PLPP4: variants seen among roughly 807,000 people sequenced by gnomAD.
PLPP4 encodes the protein diacylglycerol pyrophosphate like 2.
PLPP4 carries 20 observed loss-of-function variants against 32.2 expected under a neutral mutation model. That is an observed-to-expected ratio of 0.62 (90% confidence interval 0.44 to 0.90). The LOEUF (loss-of-function observed/expected upper bound fraction) is 0.90, where lower values mean the gene tolerates loss of function less well. Among genes scored for constraint, PLPP4 ranks in the 40% least tolerant of loss-of-function variants. The pLI is 0.00. For missense variants in PLPP4, 257 were observed against 353.1 expected (o/e 0.73, Z 2.18); for synonymous variants, 127 against 133.0 (o/e 0.95, Z 0.31).
At chr10:120,515,085 T>A (rs1845882947) in intron 3 of PLPP4, among the ~76,000 whole-genome samples, 2 of 152,308 alleles carry the variant, frequency 1.3e-5, no homozygotes, top group South Asian at 4.1e-4. Context: ...ACGCTTCCTA[T>A]ATAACCAGGC....
In PLPP4 at chr10:120,532,476, C is replaced by G. The variant is rs1846785909; in HGVS notation, c.445+11381C>G. Among the ~76,000 whole-genome samples the G allele has an allele frequency of 3.3e-5, 5 of 152,200 alleles. No individual in the cohort carries two copies. The South Asian group carries it at 1.0e-3, about 32-fold the overall frequency. ...TTTGAAATAAATTTCACATATGATT[C>G]AATTCACCCATTTAAAATGGTTTAT... On this transcript the variant is annotated intron_variant, in intron 5 of 6. Coordinates refer to ENST00000398250, the MANE Select transcript of PLPP4 (RefSeq NM_001030059.3).
chr10:120,538,926 C>G (rs1847200831), intron 5 of PLPP4, among the ~76,000 whole-genome samples: 1 of 152,202 alleles, frequency 6.6e-6, no homozygotes, highest in Non-Finnish European at 1.5e-5. Flanking sequence ...CATTTATACC[C>G]AGATCATCTG....
At chr10:120,569,174 G>T (rs1461655255) in intron 5 of PLPP4, among the ~76,000 whole-genome samples, 1 of 151,960 alleles carries the variant, frequency 6.6e-6, no homozygotes, top group South Asian at 2.1e-4. Context: ...GGGAGGCGGA[G>T]GTTGTAGTGA....
intron 5 of PLPP4, among the ~76,000 whole-genome samples, chr10:120,539,312 T>G (rs1589844082): frequency 1.3e-5 from 2 of 152,260 alleles, no homozygotes; most frequent in East Asian, 3.9e-4. Flanking sequence ...GTTAGGAAAT[T>G]CTGTGGTCTC....
At chr10:120,564,592 ATGT>A (rs1350011013) in intron 5 of PLPP4, among the ~76,000 whole-genome samples, 1 of 151,904 alleles carries the variant, frequency 6.6e-6, no homozygotes, top group African/African-American at 2.4e-5. Flanking sequence ...ATTATGGCAA[ATGT>A]TGTAGTTCTA....
intron 3 of PLPP4, 121 bp downstream of exon 3, chr10:120,514,122 G>A: frequency 1.3e-6 from 1 of 792,076 alleles, no homozygotes. Context: ...AGCTGGGGAG[G>A]AACAAGATAA....
chr10:120,480,830 C>T (rs894785108), intron 1 of PLPP4, among the ~76,000 whole-genome samples: 5 of 152,236 alleles, frequency 3.3e-5, no homozygotes, highest in African/African-American at 1.2e-4. Flanking sequence ...CCTCTGCTCC[C>T]TCACCCAACC....
At chr10:120,516,462 C>G (rs1314016918) in intron 3 of PLPP4, among the ~76,000 whole-genome samples, 1 of 152,130 alleles carries the variant, frequency 6.6e-6, no homozygotes, top group Non-Finnish European at 1.5e-5. Context: ...ACAGTCAGGT[C>G]TGTATAATAG....
chr10:120,528,334 A>G (rs1240977831), intron 5 of PLPP4, among the ~76,000 whole-genome samples: 8 of 152,082 alleles, frequency 5.3e-5, no homozygotes, highest in Non-Finnish European at 5.9e-5. Flanking sequence ...TCGGCCTCCC[A>G]AAGTGCTGGG....
At chr10:120,539,999 TA>T (rs11386207) in intron 5 of PLPP4, among the ~76,000 whole-genome samples, 246 of 142,982 alleles carry the variant, frequency 1.7e-3, no homozygotes, top group Non-Finnish European at 1.9e-3. Context: ...AGTAAACTTG[TA>T]AAAAAAAAAA....
At chr10:120,473,587 G>T (rs1843758765) in intron 1 of PLPP4, among the ~76,000 whole-genome samples, 1 of 152,120 alleles carries the variant, frequency 6.6e-6, no homozygotes, top group Non-Finnish European at 1.5e-5. Context: ...CCCCTTCTGA[G>T]GCTGATATGG....
chr10:120,572,767 T>C (rs1389185164), intron 5 of PLPP4, among the ~76,000 whole-genome samples: 1 of 152,210 alleles, frequency 6.6e-6, no homozygotes, highest in Non-Finnish European at 1.5e-5. Context: ...AGGAAGAATG[T>C]AAATGAATAG....
At chr10:120,569,257 T>G (rs905809518) in intron 5 of PLPP4, among the ~76,000 whole-genome samples, 1 of 151,214 alleles carries the variant, frequency 6.6e-6, no homozygotes, top group African/African-American at 2.4e-5. Flanking sequence ...AAAAAAATTC[T>G]TAATCCTCCT....
At chr10:120,579,710 G>A (rs1384818095) in intron 6 of PLPP4, among the ~76,000 whole-genome samples, 1 of 152,060 alleles carries the variant, frequency 6.6e-6, no homozygotes, top group African/African-American at 2.4e-5. Flanking sequence ...GATAAACCCA[G>A]TAGTCCCAAA....
At chr10:120,582,680 G>A (rs1377739664) in intron 6 of PLPP4, among the ~76,000 whole-genome samples, 1 of 151,704 alleles carries the variant, frequency 6.6e-6, no homozygotes, top group Non-Finnish European at 1.5e-5. Context: ...TCTTTGGGCT[G>A]GTTTTACTAG....
At chr10:120,478,954 C>T (rs1306447930) in intron 1 of PLPP4, among the ~76,000 whole-genome samples, 6 of 152,242 alleles carry the variant, frequency 3.9e-5, no homozygotes, top group Non-Finnish European at 7.3e-5. Flanking sequence ...TGGCTGGGCG[C>T]AGTGGCTCAC....
chr10:120,534,241 CTT>C (rs901649282), intron 5 of PLPP4, among the ~76,000 whole-genome samples: 1 of 149,086 alleles, frequency 6.7e-6, no homozygotes, highest in East Asian at 1.9e-4. Flanking sequence ...TCTTGATTGA[CTT>C]TTTTTTTTCC....
At chr10:120,506,215 A>G (rs1448922419) in intron 2 of PLPP4, among the ~76,000 whole-genome samples, 1 of 152,202 alleles carries the variant, frequency 6.6e-6, no homozygotes, top group African/African-American at 2.4e-5. Flanking sequence ...TATTTCATTA[A>G]TAGCAGTTGA....
At chr10:120,587,246 T>C (rs1849807278) in intron 6 of PLPP4, 2 of 152,200 alleles carry the variant, frequency 1.3e-5, no homozygotes, top group Non-Finnish European at 2.9e-5. Context: ...GGGGCTTGGC[T>C]GTTCTGTTAC....
Sources: allele counts gnomAD v4.1 joint callset (sites outside exome capture counted in the v4.1 genomes callset), GRCh38; gene constraint gnomAD v4.1.1; transcripts MANE v1.5; gene names NCBI Gene and HGNC (gene_info 2026-07-23, HGNC 2026-07-21).